The following PHLPP1 variants were observed in gnomAD, a reference collection of about 807,000 sequenced individuals.
The protein encoded by PHLPP1 is PH domain leucine-rich repeat-containing protein phosphatase 1.
In PHLPP1, 42 loss-of-function variants were observed where a neutral mutation model predicts 117.2. The ratio of observed to expected loss-of-function variants is 0.36; its 90% CI spans 0.28 to 0.46. The LOEUF is 0.46. Ranked by LOEUF, PHLPP1 falls within the 20% of genes least tolerant of loss-of-function variation. PHLPP1 has a pLI of 1.00. For synonymous variants in PHLPP1, 1,042 were observed against 970.7 expected, an observed-to-expected ratio of 1.07 and a Z score of -1.37; for missense variants, 2,084 against 2,241.9, an observed-to-expected ratio of 0.93 and a Z score of 1.42.
At position 62,941,375 on chromosome 18, in the gene PHLPP1, G is replaced by A. The variant is rs189651791; in HGVS notation, c.2961-343G>A. 2.3e-4 allele frequency among the ~76,000 whole-genome samples: 35 copies of A among 152,266 alleles called. 1 individual carries two copies. The East Asian group carries it at 6.0e-3, about 26-fold the overall frequency. ...GCAAAAACTTTTGATTACAAAATAG[G>A]AAACTGTTTTTCTCTTCCTTAAGTC... is the stretch of plus-strand genomic sequence containing the variant. On this transcript the variant is annotated intron_variant, in intron 10 of 16. Coordinates refer to ENST00000262719, the MANE Select transcript of PHLPP1 (RefSeq NM_194449.4).
At chr18:62,719,886 G>A (rs747202971) in intron 1 of PHLPP1, among the ~76,000 whole-genome samples, 31 of 151,982 alleles carry the variant, frequency 2.0e-4, no homozygotes, top group Non-Finnish European at 4.4e-4. Flanking sequence ...TTTTTTAGAG[G>A]CTTTGAAAGC....
In PHLPP1 at chr18:62,716,666, C is replaced by T; in HGVS notation, c.983C>T (p.Pro328Leu). Residue 328 changes from proline to leucine, a missense_variant, in exon 1 of 17, where the codon CCG becomes CTG. Physicochemically the swap from Pro to Leu is moderately conservative, Grantham distance 98. Transcript: ENST00000262719. This position sits in a 1 kb window ranked among gnomAD's most constrained non-coding sequence, Gnocchi z 5.7. ...CCCTCGGACTCCAGCCCCGGCGAGC[C>T]GTTCGTTGGGGGCCCTGTCTCTTCG... ...PAPSDSSPGE[P>L]FVGGPVSSPR... 1 of 1,439,870 alleles carries T rather than the reference C, an allele frequency of 6.9e-7. No homozygotes were observed. The highest frequency in any genetic ancestry group is 9.1e-7 in the Non-Finnish European group (1 of 1,098,334). 89.2% of individuals were successfully genotyped at this position (1,439,870 alleles called of 1,614,324 possible).
chr18:62,966,002 G>A (rs958835961), intron 14 of PHLPP1, among the ~76,000 whole-genome samples: 7 of 151,948 alleles, frequency 4.6e-5, no homozygotes, highest in African/African-American at 1.4e-4. Context: ...TGGATAACTT[G>A]TTTTTCATAA....
chr18:62,791,134 T>G (rs1404742589), intron 1 of PHLPP1, among the ~76,000 whole-genome samples: 1 of 152,130 alleles, frequency 6.6e-6, no homozygotes, highest in Non-Finnish European at 1.5e-5. Context: ...TTCATTATTG[T>G]CCTAGCAAGC....
At chr18:62,812,999 T>C (rs1914166759) in intron 1 of PHLPP1, among the ~76,000 whole-genome samples, 2 of 152,208 alleles carry the variant, frequency 1.3e-5, no homozygotes, top group South Asian at 4.1e-4. Context: ...AACTTGAGAA[T>C]GCTGAAAGGA....
chr18:62,846,135 G>C (rs942873595), intron 3 of PHLPP1, among the ~76,000 whole-genome samples: 1 of 149,440 alleles, frequency 6.7e-6, no homozygotes, highest in African/African-American at 2.5e-5. Flanking sequence ...CTTGAACTCA[G>C]GAGGTAGAGG....
At chr18:62,896,214 T>C (rs1916559754) in intron 6 of PHLPP1, among the ~76,000 whole-genome samples, 1 of 152,168 alleles carries the variant, frequency 6.6e-6, no homozygotes, top group Non-Finnish European at 1.5e-5. Context: ...TGAAGGTCTT[T>C]GTTTTGCAGA....
rs1911299229 is a variant in PHLPP1 at position 62,979,170 on chromosome 18, A to AAGG, written c.4896_4898dup (p.Arg1632dup). ...CCAATGGCTCTGTTGCGCCCCAGGA[A>AAGG]AGGAGCCACAATGTGATAGAGGTGG... On this transcript the variant is annotated inframe_insertion, in exon 17 of 17. Coordinates refer to ENST00000262719, the MANE Select transcript of PHLPP1 (RefSeq NM_194449.4). 1 of 1,613,786 alleles carries AAGG rather than the reference A, an allele frequency of 6.2e-7. No homozygotes were observed. The highest frequency in any genetic ancestry group is 8.5e-7 in the Non-Finnish European group (1 of 1,179,876).
intron 1 of PHLPP1, chr18:62,824,182 T>C (rs890970989): frequency 1.1e-5 from 5 of 455,704 alleles, no homozygotes; most frequent in Non-Finnish European, 2.2e-5. Flanking sequence ...GGGAACTCTC[T>C]GCACTGGTGC....
At chr18:62,766,705 A>G (rs1468495371) in intron 1 of PHLPP1, among the ~76,000 whole-genome samples, 1 of 152,138 alleles carries the variant, frequency 6.6e-6, no homozygotes, top group Non-Finnish European at 1.5e-5. Flanking sequence ...TATCAGCTGT[A>G]TATTATATAT....
intron 4 of PHLPP1, among the ~76,000 whole-genome samples, chr18:62,866,636 C>A (rs1915777912): frequency 6.6e-6 from 1 of 152,120 alleles, no homozygotes. Flanking sequence ...TCATAATAAT[C>A]CAAACATTTT....
At chr18:62,797,359 C>T (rs1913655656) in intron 1 of PHLPP1, among the ~76,000 whole-genome samples, 1 of 152,200 alleles carries the variant, frequency 6.6e-6, no homozygotes, top group African/African-American at 2.4e-5. Context: ...CAAGATATAT[C>T]CATGTGTCCC....
intron 4 of PHLPP1, among the ~76,000 whole-genome samples, chr18:62,885,906 A>G (rs1409780915): frequency 6.6e-6 from 1 of 152,196 alleles, no homozygotes; most frequent in Non-Finnish European, 1.5e-5. Flanking sequence ...TCTAGATTAC[A>G]GGGGAAACTA....
chr18:62,866,781 A>C (rs1362594642), intron 4 of PHLPP1, among the ~76,000 whole-genome samples: 1 of 152,208 alleles, frequency 6.6e-6, no homozygotes, highest in Non-Finnish European at 1.5e-5. Context: ...TAGTTCTTAC[A>C]GAGTCACCGA....
intron 1 of PHLPP1, among the ~76,000 whole-genome samples, chr18:62,720,775 A>T (rs1345529761): frequency 6.6e-6 from 1 of 152,042 alleles, no homozygotes; most frequent in African/African-American, 2.4e-5. Context: ...TGTAAAGTAC[A>T]TGCCACCCTT....
intron 3 of PHLPP1, chr18:62,839,829 A>T (rs1294327436): frequency 2.0e-5 from 3 of 148,272 alleles, no homozygotes; most frequent in East Asian, 1.9e-4. Context: ...AATGTAAACC[A>T]GAATCACATT....
At position 62,717,268 on chromosome 18, in the gene PHLPP1, G is replaced by A. The variant is rs778217286; in HGVS notation, c.1576+9G>A. On this transcript the variant is annotated intron_variant, in intron 1 of 16. Coordinates refer to ENST00000262719, the MANE Select transcript of PHLPP1 (RefSeq NM_194449.4). ...CATCCGCTTCTATGCAGGTAAGGAAGTCACCTGCCTTGACGGGTGGTTGCA... is the reference window on the plus strand; with the variant it reads ...CATCCGCTTCTATGCAGGTAAGGAAATCACCTGCCTTGACGGGTGGTTGCA... The A allele has an allele frequency of 1.3e-6, 2 of 1,562,028 alleles. No homozygotes were observed.
chr18:62,787,227 A>G (rs531694620), intron 1 of PHLPP1, among the ~76,000 whole-genome samples: 1 of 152,030 alleles, frequency 6.6e-6, no homozygotes, highest in East Asian at 1.9e-4. Flanking sequence ...AATTATCTGT[A>G]TATGGTACAC....
At position 62,716,963 on chromosome 18, in the gene PHLPP1, G is replaced by T; in HGVS notation, c.1280G>T (p.Gly427Val). 6.5e-7 allele frequency: 1 copy of T among 1,539,376 alleles called. No individual in the cohort carries two copies. ...GCCCCGAGGGCCATTGACAGCCCGGGCGGGGCCGTCCGCGAGGGGTCGTGC... is the reference window on the plus strand; with the variant it reads ...GCCCCGAGGGCCATTGACAGCCCGGTCGGGGCCGTCCGCGAGGGGTCGTGC... ...QKAPRAIDSPGGAVREGSCEE... is the reference protein window; with the variant it reads ...QKAPRAIDSPVGAVREGSCEE... Residue 427 changes from glycine (G) to valine (V), a missense_variant, in exon 1 of 17, where the codon GGC becomes GTC. Gly to Val is a moderately radical substitution (Grantham distance 109, BLOSUM62 -3). Coordinates refer to ENST00000262719, the MANE Select transcript of PHLPP1 (RefSeq NM_194449.4). The surrounding 1 kb of genome is among the most constrained non-coding windows in gnomAD (Gnocchi z 5.7).
Sources: gnomAD v4.1 joint callset for allele counts (sites outside exome capture counted in the v4.1 genomes callset) on GRCh38, gnomAD v4.1.1 for gene constraint, Gnocchi (gnomAD v3.1) non-coding constraint, MANE v1.5 for transcripts, NCBI Gene and HGNC (gene_info 2026-07-23, HGNC 2026-07-21) for gene names.